Variants in SULF2 observed in about 807,000 individuals in gnomAD.
SULF2 encodes sulfatase 2.
In SULF2, 52 loss-of-function variants were observed where a neutral mutation model predicts 107.7. The observed-to-expected ratio is 0.48, with a 90% CI of 0.39 to 0.61. The LOEUF is 0.61. Among genes scored for constraint, SULF2 ranks in the 20% least tolerant of loss-of-function variants. The probability of loss-of-function intolerance (pLI) is 0.00; values close to 1 mark genes in which losing one functional copy is unlikely to be tolerated. For synonymous variants in SULF2, 460 were observed against 464.3 expected, an observed-to-expected ratio of 0.99 and a Z score of 0.12; for missense variants, 993 against 1,177.3, an observed-to-expected ratio of 0.84 and a Z score of 2.29.
intron 11 of SULF2, among the ~76,000 whole-genome samples, chr20:47,670,202 T>C (rs543217584): frequency 1.3e-5 from 2 of 152,258 alleles, no homozygotes; most frequent in East Asian, 3.9e-4. Context: ...TGGAGACTTT[T>C]TGTTTTTTTT....
chr20:47,777,541 C>G (rs997222267), intron 1 of SULF2, among the ~76,000 whole-genome samples: 10 of 152,172 alleles, frequency 6.6e-5, no homozygotes, highest in African/African-American at 2.4e-4. Context: ...CGCCTGGACT[C>G]CCCTGCTTTG....
At chr20:47,747,934 C>T (rs113297878) in intron 2 of SULF2, among the ~76,000 whole-genome samples, 6 of 152,164 alleles carry the variant, frequency 3.9e-5, no homozygotes, top group African/African-American at 4.8e-5. Flanking sequence ...TGCAGTGCCC[C>T]GTCCTGCTCC....
In SULF2 at chr20:47,702,678, G is replaced by T; in HGVS notation, c.416-8C>A. On this transcript the variant is annotated splice_polypyrimidine_tract_variant and splice_region_variant and intron_variant, in intron 3 of 20. Transcript: ENST00000688720. ...GATACTTCCCGAAGAAAGCTGCGGA[G>T]GGAGATGGATCAGGAGGCCACGTGA... is the stretch of plus-strand genomic sequence containing the variant. 6.2e-7 allele frequency: 1 copy of T among 1,613,504 alleles called. No homozygotes were observed. The highest frequency in any genetic ancestry group is 2.2e-5 in the East Asian group (1 of 44,886).
intron 1 of SULF2, among the ~76,000 whole-genome samples, chr20:47,785,135 A>C (rs542265231): frequency 9.9e-5 from 15 of 151,746 alleles, no homozygotes; most frequent in African/African-American, 3.4e-4. Flanking sequence ...CCCTCTGCGG[A>C]CGGCCGGCGC....
intron 2 of SULF2, among the ~76,000 whole-genome samples, chr20:47,751,829 G>T (rs1422447967): frequency 2.6e-5 from 4 of 152,210 alleles, no homozygotes; most frequent in African/African-American, 9.7e-5. Context: ...CCAGTGGAAG[G>T]CTGGTTCCCA....
chr20:47,762,148 A>T (rs539254634), intron 1 of SULF2, among the ~76,000 whole-genome samples: 1 of 152,384 alleles, frequency 6.6e-6, no homozygotes, highest in Admixed American at 6.5e-5. Context: ...GCGTGAAAAC[A>T]GACTAATACA....
intron 6 of SULF2, 70 bp downstream of exon 6, chr20:47,684,361 G>A (rs985187702): frequency 6.7e-6 from 10 of 1,483,330 alleles, no homozygotes; most frequent in Non-Finnish European, 9.0e-6. Flanking sequence ...GAAGGGCCAG[G>A]AGGTCTCGGC....
intron 3 of SULF2, among the ~76,000 whole-genome samples, chr20:47,725,419 G>A (rs984875192): frequency 6.6e-6 from 1 of 152,208 alleles, no homozygotes; most frequent in Non-Finnish European, 1.5e-5. Flanking sequence ...AATGCAATGT[G>A]GGGGCCACGT....
chr20:47,729,598 AAATC>A (rs907304402), intron 3 of SULF2, among the ~76,000 whole-genome samples: 2 of 152,148 alleles, frequency 1.3e-5, no homozygotes, highest in Admixed American at 1.3e-4. Context: ...AGGAAAAAAA[AAATC>A]AAGAATGGTG....
chr20:47,735,462 G>T (rs1206285083), intron 3 of SULF2, among the ~76,000 whole-genome samples: 2 of 152,202 alleles, frequency 1.3e-5, no homozygotes, highest in Non-Finnish European at 2.9e-5. Flanking sequence ...CCAAGTTGCA[G>T]GTGCATCTTC....
intron 1 of SULF2, among the ~76,000 whole-genome samples, chr20:47,768,319 T>C (rs1230523888): frequency 6.6e-6 from 1 of 152,268 alleles, no homozygotes. Context: ...TTGGGTTCTT[T>C]GTTTCAGGCC....
Position 47,680,532 on chromosome 20 carries a change from C to T in SULF2, c.1065-1728G>A, listed in dbSNP as rs1368663812. Reference sequence around the variant, plus strand: ...ATCTGAGTGCCTTCCCCGCTAGTTCCCTGGGGACCAGGGCAGGGCCTGGGT... The same window carrying T: ...ATCTGAGTGCCTTCCCCGCTAGTTCTCTGGGGACCAGGGCAGGGCCTGGGT... On this transcript the variant is annotated intron_variant, in intron 7 of 20. Transcript: ENST00000688720. This position sits in a 1 kb window ranked among gnomAD's most constrained non-coding sequence, Gnocchi z 4.2. Among the ~76,000 whole-genome samples the T allele has an allele frequency of 6.6e-6, 1 of 152,212 alleles. No individual in the cohort carries two copies. Among genetic ancestry groups the T allele is most frequent in the East Asian group, 1.9e-4 (1 of 5,194 alleles).
intron 1 of SULF2, among the ~76,000 whole-genome samples, chr20:47,777,429 A>C (rs373913854): frequency 5.3e-5 from 8 of 152,330 alleles, no homozygotes; most frequent in East Asian, 3.9e-4. Context: ...TGGCAGCCAT[A>C]TTGAGACTAT....
intron 18 of SULF2, among the ~76,000 whole-genome samples, chr20:47,660,287 C>G (rs1422997226): frequency 6.6e-6 from 1 of 152,234 alleles, no homozygotes; most frequent in Non-Finnish European, 1.5e-5. Context: ...GCACTTTGAT[C>G]ACAAGAGTAG....
Position 47,674,099 on chromosome 20 carries a change from C to A in SULF2, c.1381-1706G>T, listed in dbSNP as rs533549080. On this transcript the variant is annotated intron_variant, in intron 10 of 20. Coordinates refer to ENST00000688720, the MANE Select transcript of SULF2 (RefSeq NM_001387048.1). ...AACCAAGGACGGTTTTTACATTGTA[C>A]GTTTTCAGAGTTGTAAAAAGCAAGA... is the stretch of plus-strand genomic sequence containing the variant. 2.0e-5 allele frequency among the ~76,000 whole-genome samples: 3 copies of A among 152,360 alleles called. No individual in the cohort carries two copies. The South Asian group carries it at 6.2e-4, about 32-fold the overall frequency.
chr20:47,672,726 C>A (rs955707300), intron 10 of SULF2, among the ~76,000 whole-genome samples: 2 of 152,238 alleles, frequency 1.3e-5, no homozygotes, highest in South Asian at 4.2e-4. Flanking sequence ...ACTTAAAACC[C>A]TTCAATGGCT....
At chr20:47,760,864 A>G (rs1254595943) in intron 1 of SULF2, among the ~76,000 whole-genome samples, 2 of 152,180 alleles carry the variant, frequency 1.3e-5, no homozygotes, top group African/African-American at 4.8e-5. Flanking sequence ...AGAAACATAC[A>G]CCTCATGACA....
At position 47,726,210 on chromosome 20, in the gene SULF2, T is replaced by C. The variant is rs116714849; in HGVS notation, c.415+10493A>G. On this transcript the variant is annotated intron_variant, in intron 3 of 20. Coordinates refer to ENST00000688720, the MANE Select transcript of SULF2 (RefSeq NM_001387048.1). ...GATTTTGTTTGATTAGGCTTTATTC[T>C]TCTTTCTTTTTTAGAGACAAGGTCT... is the stretch of plus-strand genomic sequence containing the variant. 2.4e-3 allele frequency among the ~76,000 whole-genome samples: 364 copies of C among 152,268 alleles called. 1 individual carries two copies. Among genetic ancestry groups the C allele is most frequent in the African/African-American group, 8.4e-3 (350 of 41,544 alleles).
intron 1 of SULF2, among the ~76,000 whole-genome samples, chr20:47,777,470 CAGA>C (rs1366664071): frequency 2.0e-5 from 3 of 152,140 alleles, no homozygotes; most frequent in Admixed American, 6.5e-5. Flanking sequence ...ATGATGAGGA[CAGA>C]AGAAGAGGCT....
Sources: gnomAD v4.1 joint callset for allele counts (sites outside exome capture counted in the v4.1 genomes callset) on GRCh38, gnomAD v4.1.1 for gene constraint, Gnocchi (gnomAD v3.1) non-coding constraint, MANE v1.5 for transcripts, NCBI Gene and HGNC (gene_info 2026-07-23, HGNC 2026-07-21) for gene names.